The following ATAD1 variants were observed in gnomAD, a reference collection of about 807,000 sequenced individuals.
The protein encoded by ATAD1 is ATPase family AAA domain containing 1, also known as outer mitochondrial transmembrane helix translocase.
In ATAD1, 18 loss-of-function variants were observed where a neutral mutation model predicts 42.7. That is an observed-to-expected ratio of 0.42 (90% CI 0.29 to 0.63). ATAD1 has a LOEUF of 0.63. Among genes scored for constraint, ATAD1 ranks in the 20% least tolerant of loss-of-function variants. The probability of loss-of-function intolerance (pLI) is 0.19; values close to 1 mark genes in which losing one functional copy is unlikely to be tolerated. For synonymous variants in ATAD1, 132 were observed against 143.1 expected (o/e 0.92, Z 0.55); for missense variants, 294 against 440.4 (o/e 0.67, Z 2.98).
chr10:87,762,377 C>T (rs1403375412), intron 8 of ATAD1, among the ~76,000 whole-genome samples: 2 of 152,072 alleles, frequency 1.3e-5, no homozygotes, highest in African/African-American at 4.8e-5. Context: ...ATTAACTATC[C>T]CCTTTATTTT....
chr10:87,824,441 T>G (rs572758016), intron 1 of ATAD1, among the ~76,000 whole-genome samples: 1 of 152,322 alleles, frequency 6.6e-6, no homozygotes, highest in South Asian at 2.1e-4. Context: ...TCTGTTAATT[T>G]GGACAAGTTA....
At chr10:87,825,308 C>CT (rs1267573215) in intron 1 of ATAD1, among the ~76,000 whole-genome samples, 10,106 of 132,910 alleles carry the variant, frequency 0.076, 567 homozygotes, top group Admixed American at 0.12. Flanking sequence ...AAATCTTAAC[C>CT]TTTTTTTTTT....
chr10:87,762,910 A>AG (rs1401315777), intron 8 of ATAD1, among the ~76,000 whole-genome samples: 1 of 90,812 alleles, frequency 1.1e-5, no homozygotes, highest in Non-Finnish European at 2.4e-5. Context: ...CTCTACTAAA[A>AG]AAAAAAAAAT....
intron 2 of ATAD1, among the ~76,000 whole-genome samples, chr10:87,806,655 T>C (rs1856938824): frequency 6.6e-6 from 1 of 152,200 alleles, no homozygotes; most frequent in Admixed American, 6.5e-5. Context: ...CTGTATTTCA[T>C]TCACTTTTCT....
intron 8 of ATAD1, among the ~76,000 whole-genome samples, chr10:87,762,746 A>G (rs1854541508): frequency 6.6e-6 from 1 of 151,478 alleles, no homozygotes; most frequent in South Asian, 2.1e-4. Flanking sequence ...AGGATTACAC[A>G]ATGTTTTTTT....
rs2132081950 is a variant in ATAD1, at chr10:87,817,915, T to TG, written c.-14+251dup. 3 of 985,430 alleles carry TG rather than the reference T, an allele frequency of 3.0e-6. No individual in the cohort carries two copies. The South Asian group carries it at 1.4e-4, about 46-fold the overall frequency. 61.0% of individuals were successfully genotyped at this position (985,430 alleles called of 1,614,324 possible). ...ATTCCCTCGGGAATGGCACGAGTCTTGGGGAAGAGCTAAGCAGACCCTAAG... is the reference window on the plus strand; with the variant it reads ...ATTCCCTCGGGAATGGCACGAGTCTTGGGGGAAGAGCTAAGCAGACCCTAAG... On this transcript the variant is annotated intron_variant, in intron 1 of 9. Coordinates refer to ENST00000680024, the MANE Select transcript of ATAD1 (RefSeq NM_001321967.2).
chr10:87,768,233 A>G (rs1357448748), intron 7 of ATAD1, among the ~76,000 whole-genome samples: 1 of 152,194 alleles, frequency 6.6e-6, no homozygotes, highest in Non-Finnish European at 1.5e-5. Context: ...CTTTTCCCCC[A>G]GTGACAATTC....
At chr10:87,800,861 A>G (rs1589534425) in intron 2 of ATAD1, among the ~76,000 whole-genome samples, 2 of 152,310 alleles carry the variant, frequency 1.3e-5, no homozygotes, top group South Asian at 4.1e-4. Flanking sequence ...AGGCCCAGGG[A>G]CTATCATAGA....
intron 2 of ATAD1, among the ~76,000 whole-genome samples, chr10:87,813,507 G>A (rs1391327093): frequency 2.0e-5 from 3 of 151,980 alleles, no homozygotes; most frequent in African/African-American, 7.2e-5. Flanking sequence ...TATACTTATT[G>A]CAGTGTTTAT....
intron 3 of ATAD1, among the ~76,000 whole-genome samples, chr10:87,791,392 C>A (rs1445755321): frequency 6.6e-6 from 1 of 151,678 alleles, no homozygotes; most frequent in African/African-American, 2.4e-5. Context: ...ACAATAGATT[C>A]ATTTCCTTCA....
At chr10:87,798,858 T>A (rs1486651969) in intron 2 of ATAD1, among the ~76,000 whole-genome samples, 2 of 152,104 alleles carry the variant, frequency 1.3e-5, no homozygotes, top group Non-Finnish European at 2.9e-5. Flanking sequence ...GTGAAAAAGG[T>A]TATTAAGAAT....
At chr10:87,767,013 C>G (rs1244334763) in intron 8 of ATAD1, among the ~76,000 whole-genome samples, 1 of 151,884 alleles carries the variant, frequency 6.6e-6, no homozygotes, top group Non-Finnish European at 1.5e-5. Context: ...TTCAGCACCA[C>G]AGGAAAGGTT....
intron 8 of ATAD1, 115 bp downstream of exon 8, chr10:87,767,558 G>A: frequency 1.0e-6 from 1 of 971,238 alleles, no homozygotes; most frequent in Non-Finnish European, 1.6e-6. Context: ...GTGGCTGCAG[G>A]GGCTGGAGAT....
intron 8 of ATAD1, among the ~76,000 whole-genome samples, chr10:87,758,610 A>T (rs1346717018): frequency 1.3e-5 from 2 of 152,188 alleles, no homozygotes; most frequent in East Asian, 3.8e-4. Flanking sequence ...TTTGTGTTAC[A>T]TTTGAAATAA....
At chr10:87,757,107 CCTT>C (rs1409316116) in intron 8 of ATAD1, among the ~76,000 whole-genome samples, 185 bp from the exon 9 acceptor site, 1 of 151,764 alleles carries the variant, frequency 6.6e-6, no homozygotes, top group Non-Finnish European at 1.5e-5. Context: ...CATTATTTGT[CCTT>C]ATGATTAAGA....
chr10:87,833,699 G>A (rs1335532353), intron 1 of ATAD1, among the ~76,000 whole-genome samples: 1 of 119,492 alleles, frequency 8.4e-6, no homozygotes, highest in Non-Finnish European at 1.8e-5. Context: ...TCTGTCAAAT[G>A]TTCTTTCTCT....
intron 1 of ATAD1, among the ~76,000 whole-genome samples, chr10:87,830,092 GC>G (rs1857801492): frequency 6.6e-6 from 1 of 152,144 alleles, no homozygotes; most frequent in Non-Finnish European, 1.5e-5. Context: ...GAAAAATCAT[GC>G]CCTTCATTTG....
At chr10:87,795,049 G>T (rs747834786) in intron 2 of ATAD1, among the ~76,000 whole-genome samples, 1 of 152,128 alleles carries the variant, frequency 6.6e-6, no homozygotes, top group Non-Finnish European at 1.5e-5. Context: ...AAATTAACCT[G>T]AGAAGTAACT....
chr10:87,773,785 TG>T (rs1212387919), intron 6 of ATAD1, among the ~76,000 whole-genome samples: 4 of 152,186 alleles, frequency 2.6e-5, no homozygotes, highest in African/African-American at 9.6e-5. Context: ...TGAAAATAGT[TG>T]AACACTATGC....
Sources: gnomAD v4.1 joint callset for allele counts (sites outside exome capture counted in the v4.1 genomes callset) on GRCh38, gnomAD v4.1.1 for gene constraint, MANE v1.5 for transcripts, NCBI Gene and HGNC (gene_info 2026-07-23, HGNC 2026-07-21) for gene names.